Variants in AFAP1L2 observed in about 807,000 individuals in gnomAD.
AFAP1L2 encodes the protein actin filament-associated protein 1-like 2.
Under a neutral mutation model 99.3 loss-of-function variants are expected in AFAP1L2, and 46 were observed. The ratio of observed to expected loss-of-function variants is 0.46; its 90% CI spans 0.37 to 0.59. AFAP1L2 has a LOEUF of 0.59. Among genes scored for constraint, AFAP1L2 ranks in the 20% least tolerant of loss-of-function variants. AFAP1L2 has a pLI of 0.00. For synonymous variants in AFAP1L2, 397 were observed against 419.1 expected, an observed-to-expected ratio of 0.95 and a Z score of 0.64; for missense variants, 959 against 1,034.9, an observed-to-expected ratio of 0.93 and a Z score of 1.01.
chr10:114,346,479 G>A (rs548197660), intron 1 of AFAP1L2, among the ~76,000 whole-genome samples: 40 of 152,300 alleles, frequency 2.6e-4, no homozygotes, highest in Non-Finnish European at 5.7e-4. Flanking sequence ...ACAGGCTTGG[G>A]GAAATAACAA....
chr10:114,294,771 C>T, downstream of AFAP1L2: 1 of 942,552 alleles, frequency 1.1e-6, no homozygotes, highest in Non-Finnish European at 1.3e-6. Context: ...ACATTTCCTC[C>T]CTTGAGAACC....
intron 16 of AFAP1L2, among the ~76,000 whole-genome samples, chr10:114,298,247 G>T (rs373749794): frequency 6.6e-6 from 1 of 151,956 alleles, no homozygotes; most frequent in Non-Finnish European, 1.5e-5. Flanking sequence ...ACATGGTGGC[G>T]GATGCCTGTA....
chr10:114,351,362 A>C (rs1270404029), intron 1 of AFAP1L2, among the ~76,000 whole-genome samples: 2 of 152,208 alleles, frequency 1.3e-5, no homozygotes, highest in Non-Finnish European at 2.9e-5. Flanking sequence ...GTATCAGAGA[A>C]AAAAGACATA....
chr10:114,339,320 G>A (rs1286847397), intron 2 of AFAP1L2, among the ~76,000 whole-genome samples: 2 of 152,138 alleles, frequency 1.3e-5, no homozygotes, highest in South Asian at 2.1e-4. Flanking sequence ...AGTGGCGGGC[G>A]CCTGTAGTCC....
intron 1 of AFAP1L2, among the ~76,000 whole-genome samples, chr10:114,369,528 G>A (rs991652482): frequency 5.3e-5 from 8 of 150,032 alleles, no homozygotes; most frequent in Non-Finnish European, 1.2e-4. Flanking sequence ...CCGGGAGGCG[G>A]AGCTTGCAGT....
intron 15 of AFAP1L2, among the ~76,000 whole-genome samples, chr10:114,299,952 C>CT (rs1265625190): frequency 6.6e-6 from 1 of 152,214 alleles, no homozygotes; most frequent in East Asian, 1.9e-4. Context: ...TGGCCACAGA[C>CT]TGAAGGCTGC....
At position 114,308,436 on chromosome 10, in the gene AFAP1L2, C is replaced by G. The variant is rs757762855; in HGVS notation, c.964G>C (p.Asp322His). 3.1e-6 allele frequency: 5 copies of G among 1,613,856 alleles called. 1 individual carries two copies. The South Asian group carries it at 5.5e-5, about 18-fold the overall frequency. Residue 322 changes from aspartate to histidine, a missense_variant, in exon 9 of 19, where the codon GAC becomes CAC. Asp to His is a moderately conservative substitution (Grantham distance 81). Around this residue, in one of 2 missense-constraint regions of AFAP1L2, gnomAD observed 383 missense variants for 472.8 expected, o/e 0.81. Transcript: ENST00000304129. Reference sequence around the variant, plus strand: ...CCTCCCAACCACATGATGTTACCGTCTTTGGTTTCTGGGACCTCAGGGTGG... The same window carrying G: ...CCTCCCAACCACATGATGTTACCGTGTTTGGTTTCTGGGACCTCAGGGTGG... ...DGHPEVPETKDVKKKCSAGLK... is the reference protein window; with the variant it reads ...DGHPEVPETKHVKKKCSAGLK...
chr10:114,289,027 G>A, the AFAP1L2 span: 4 of 1,614,172 alleles, frequency 2.5e-6, no homozygotes, highest in Non-Finnish European at 3.4e-6. Flanking sequence ...GCAGAGCTTT[G>A]TGAGAAGCTG....
intron 1 of AFAP1L2, among the ~76,000 whole-genome samples, chr10:114,366,073 A>T (rs1222184509): frequency 6.6e-6 from 1 of 152,058 alleles, no homozygotes; most frequent in African/African-American, 2.4e-5. Context: ...CGTACTTGTA[A>T]CCATCTCTAT....
chr10:114,397,214 C>T (rs1032315676), intron 1 of AFAP1L2, among the ~76,000 whole-genome samples: 3 of 152,156 alleles, frequency 2.0e-5, no homozygotes, highest in South Asian at 2.1e-4. Flanking sequence ...TACTGAACAT[C>T]TCTATCATTC....
At chr10:114,343,243 A>G (rs550967359) in intron 1 of AFAP1L2, among the ~76,000 whole-genome samples, 31 of 152,092 alleles carry the variant, frequency 2.0e-4, no homozygotes, top group Admixed American at 2.0e-3. Flanking sequence ...CATGAAACCA[A>G]CTCCTAGGGT....
chr10:114,397,279 G>A (rs1259349211), intron 1 of AFAP1L2, among the ~76,000 whole-genome samples: 1 of 152,090 alleles, frequency 6.6e-6, no homozygotes, highest in Non-Finnish European at 1.5e-5. Flanking sequence ...TCCCAGTCCT[G>A]GCAACTACTG....
At chr10:114,283,248 GAC>G in the AFAP1L2 span, among the ~76,000 whole-genome samples, 1 of 152,056 alleles carries the variant, frequency 6.6e-6, no homozygotes, top group Non-Finnish European at 1.5e-5. Flanking sequence ...CCGGCAGTTA[GAC>G]ACACAGGCAG....
intron 1 of AFAP1L2, among the ~76,000 whole-genome samples, chr10:114,358,915 CAAAATAAAAAAA>C (rs1442654181): frequency 3.1e-5 from 1 of 32,252 alleles, no homozygotes; most frequent in Non-Finnish European, 1.9e-4. Flanking sequence ...GACTCCATCT[CAAAATAAAAAAA>C]AAAAGAAAAT....
intron 4 of AFAP1L2, among the ~76,000 whole-genome samples, chr10:114,330,083 G>T (rs1047913655): frequency 6.6e-6 from 1 of 152,144 alleles, no homozygotes; most frequent in South Asian, 2.1e-4. Flanking sequence ...CTGAGATGAG[G>T]AGTCTCCACC....
At chr10:114,375,064 A>C (rs976232220) in intron 1 of AFAP1L2, among the ~76,000 whole-genome samples, 1 of 152,204 alleles carries the variant, frequency 6.6e-6, no homozygotes, top group African/African-American at 2.4e-5. Flanking sequence ...TACCTAAATC[A>C]GACTCGACAC....
chr10:114,346,637 C>T (rs1483055173), intron 1 of AFAP1L2, among the ~76,000 whole-genome samples: 1 of 152,220 alleles, frequency 6.6e-6, no homozygotes, highest in African/African-American at 2.4e-5. Context: ...CCCCACCATC[C>T]CCCACACTTT....
At chr10:114,400,602 C>CG (rs938879805) in intron 1 of AFAP1L2, among the ~76,000 whole-genome samples, 1 of 147,390 alleles carries the variant, frequency 6.8e-6, no homozygotes, top group African/African-American at 2.7e-5. Flanking sequence ...GTGTGAGTAT[C>CG]GGGGGGGCAT....
Position 114,313,942 on chromosome 10 carries a change from T to C in AFAP1L2, c.721A>G (p.Ile241Val), listed in dbSNP as rs1292696918. ...ATCACATCGGCATTCATCGGCGTGA[T>C]CTTCAGCTTGTGCTCCTTCTTCCGC... ...QVRKKEHKLK[I>V]TPMNADVIVL... The change falls in exon 7 of 19, where the codon ATC (isoleucine) becomes GTC (valine). Residue 241 changes from isoleucine (I) to valine (V), a missense_variant. By Grantham distance (29) the Ile-to-Val change is conservative. This residue lies in a region of AFAP1L2 where 383 missense variants were observed against 472.8 expected (regional missense o/e 0.81). Coordinates refer to ENST00000304129, the MANE Select transcript of AFAP1L2 (RefSeq NM_001001936.3). 3.1e-6 allele frequency: 5 copies of C among 1,613,874 alleles called. No individual in the cohort carries two copies. The highest frequency in any genetic ancestry group is 4.2e-6 in the Non-Finnish European group (5 of 1,179,970).
Sources: allele counts gnomAD v4.1 joint callset (sites outside exome capture counted in the v4.1 genomes callset), GRCh38; gene constraint gnomAD v4.1.1; regional missense constraint gnomAD v4.1.1; transcripts MANE v1.5; gene names NCBI Gene and HGNC (gene_info 2026-07-23, HGNC 2026-07-21).